Variants in PTN observed in about 807,000 individuals in gnomAD.
The protein encoded by PTN is heparin affin regulatory protein.
Under a neutral mutation model 24.1 loss-of-function variants are expected in PTN, and 18 were observed. The observed-to-expected ratio is 0.75, with a 90% CI of 0.52 to 1.11. PTN has a LOEUF of 1.11. Ranked by LOEUF, PTN falls within the 50% of genes least tolerant of loss-of-function variation. The probability of loss-of-function intolerance (pLI) is 0.00; values close to 1 mark genes in which losing one functional copy is unlikely to be tolerated. For synonymous variants in PTN, 78 were observed against 68.6 expected, an observed-to-expected ratio of 1.14 and a Z score of -0.67; for missense variants, 163 against 198.8, an observed-to-expected ratio of 0.82 and a Z score of 1.08.
chr7:137,257,192 T>C (rs528240455), intron 1 of PTN, among the ~76,000 whole-genome samples: 1 of 152,360 alleles, frequency 6.6e-6, no homozygotes, highest in East Asian at 1.9e-4. Context: ...AAGCCTAGAT[T>C]AGCTACTCAC....
At chr7:137,261,863 T>C (rs1221923656) in intron 1 of PTN, among the ~76,000 whole-genome samples, 1 of 152,204 alleles carries the variant, frequency 6.6e-6, no homozygotes, top group Admixed American at 6.5e-5. Flanking sequence ...TTGCTTTCTC[T>C]GCATGTGGGG....
At chr7:137,303,390 T>C (rs1297501650) in intron 1 of PTN, among the ~76,000 whole-genome samples, 2 of 151,970 alleles carry the variant, frequency 1.3e-5, no homozygotes, top group African/African-American at 4.8e-5. Flanking sequence ...ATGGAGTCCT[T>C]TCCCACAGAC....
intron 1 of PTN, among the ~76,000 whole-genome samples, chr7:137,269,638 T>G (rs2128874185): frequency 7.1e-6 from 1 of 140,498 alleles, no homozygotes; most frequent in African/African-American, 2.7e-5. Context: ...TTTTTTTTTT[T>G]TTTTTTTTTT....
chr7:137,270,734 T>C (rs567915225), intron 1 of PTN, among the ~76,000 whole-genome samples: 1 of 152,120 alleles, frequency 6.6e-6, no homozygotes, highest in East Asian at 1.9e-4. Flanking sequence ...GAAAATAACA[T>C]GGAAAAAAAT....
intron 1 of PTN, among the ~76,000 whole-genome samples, chr7:137,316,418 CAAGA>C (rs1365232826): frequency 1.3e-5 from 2 of 152,092 alleles, no homozygotes; most frequent in East Asian, 3.9e-4. Context: ...ATAAGTCTTA[CAAGA>C]AAGTCTCTTT....
intron 1 of PTN, among the ~76,000 whole-genome samples, chr7:137,306,687 G>A (rs552812305): frequency 2.6e-5 from 4 of 152,186 alleles, no homozygotes; most frequent in African/African-American, 4.8e-5. Context: ...ATTTGGAAAT[G>A]TATTCACAAT....
At chr7:137,336,446 TG>T (rs775830373) in intron 1 of PTN, among the ~76,000 whole-genome samples, 3 of 152,092 alleles carry the variant, frequency 2.0e-5, no homozygotes, top group Non-Finnish European at 4.4e-5. Context: ...TCTCTTGGAT[TG>T]GGAGTCTTCT....
chr7:137,252,877 T>A (rs941553517), intron 3 of PTN, among the ~76,000 whole-genome samples: 2 of 152,214 alleles, frequency 1.3e-5, no homozygotes, highest in African/African-American at 4.8e-5. Flanking sequence ...GAAAGATTTA[T>A]GAAACGTGGC....
At chr7:137,256,768 T>C (rs1585015550) in intron 1 of PTN, among the ~76,000 whole-genome samples, 4 of 152,152 alleles carry the variant, frequency 2.6e-5, no homozygotes, top group African/African-American at 9.6e-5. Flanking sequence ...TGAACTAATT[T>C]CCAGAATTTA....
intron 1 of PTN, among the ~76,000 whole-genome samples, chr7:137,257,256 G>T (rs1808944857): frequency 6.6e-6 from 1 of 152,154 alleles, no homozygotes; most frequent in Non-Finnish European, 1.5e-5. Context: ...TTCCTCCTGA[G>T]GCTAAATTCT....
In PTN at chr7:137,280,699, CAAAAAA is replaced by C. The variant is rs58738876; in HGVS notation, c.-1-25731_-1-25726del. Among the ~76,000 whole-genome samples the C allele has an allele frequency of 1.1e-3, 47 of 44,352 alleles. 1 individual carries two copies. Among genetic ancestry groups the C allele is most frequent in the Non-Finnish European group, 1.5e-3 (36 of 24,736 alleles). The allele number at this position is 44,352 out of a possible 152,430, so 29.1% of individuals were successfully genotyped here. A position where few individuals can be genotyped will look rare whatever the true frequency, so the allele number is the denominator to read the frequency against. On this transcript the variant is annotated intron_variant, in intron 1 of 4. Transcript: ENST00000348225. Reference sequence around the variant, plus strand: ...CAAAACCCCGTCTCTACTAAAAATACAAAAAAAAAAAAAAAAAAAAAAAAAAGCTGA... The same window carrying C: ...CAAAACCCCGTCTCTACTAAAAATACAAAAAAAAAAAAAAAAAAAAGCTGA...
In PTN at chr7:137,327,157, G is replaced by A. The variant is rs368899700; in HGVS notation, c.-2+16282C>T. Among the ~76,000 whole-genome samples the A allele has an allele frequency of 1.8e-4, 27 of 152,218 alleles. No individual in the cohort carries two copies. In the East Asian group the frequency reaches 4.4e-3, roughly 25 times the overall value. On this transcript the variant is annotated intron_variant, in intron 1 of 4. Transcript: ENST00000348225. ...TAAGGGTTGGTACACAAAGCATTAC[G>A]TTTTCAAACCTAACTGATTCTCTCC...
chr7:137,324,349 T>C (rs1810215754), intron 1 of PTN, among the ~76,000 whole-genome samples: 1 of 146,428 alleles, frequency 6.8e-6, no homozygotes, highest in Admixed American at 7.0e-5. Context: ...CAAGCTGTAG[T>C]GTGCAATGAT....
At chr7:137,278,975 TA>T in intron 1 of PTN, among the ~76,000 whole-genome samples, 1 of 145,898 alleles carries the variant, frequency 6.9e-6, no homozygotes, top group Non-Finnish European at 1.5e-5. Context: ...ATAATAATAA[TA>T]ATAATAAAAT....
chr7:137,275,934 T>C (rs1002002400), intron 1 of PTN, among the ~76,000 whole-genome samples: 6 of 152,214 alleles, frequency 3.9e-5, no homozygotes, highest in African/African-American at 1.2e-4. Context: ...GTGGCTTTAT[T>C]TGTTCAGATG....
intron 1 of PTN, among the ~76,000 whole-genome samples, chr7:137,307,368 C>T (rs1043613665): frequency 6.6e-6 from 1 of 151,968 alleles, no homozygotes; most frequent in African/African-American, 2.4e-5. Context: ...ATCCTGGTAC[C>T]TGGGAATAAT....
chr7:137,308,592 T>C (rs1001975054), intron 1 of PTN, among the ~76,000 whole-genome samples: 1 of 152,084 alleles, frequency 6.6e-6, no homozygotes, highest in Non-Finnish European at 1.5e-5. Flanking sequence ...GTGACAGATA[T>C]TAATATCAGG....
At chr7:137,261,575 G>A (rs887770284) in intron 1 of PTN, among the ~76,000 whole-genome samples, 1 of 152,066 alleles carries the variant, frequency 6.6e-6, no homozygotes, top group Non-Finnish European at 1.5e-5. Context: ...CCCTGTGAAG[G>A]TTACCTAAAA....
intron 1 of PTN, among the ~76,000 whole-genome samples, chr7:137,339,185 T>A (rs553816592): frequency 6.6e-6 from 1 of 151,872 alleles, no homozygotes; most frequent in Admixed American, 6.6e-5. Flanking sequence ...CAGAGATGGG[T>A]GAGGGTATAA....
Sources: allele counts gnomAD v4.1 joint callset (sites outside exome capture counted in the v4.1 genomes callset), GRCh38; gene constraint gnomAD v4.1.1; transcripts MANE v1.5; gene names NCBI Gene and HGNC (gene_info 2026-07-23, HGNC 2026-07-21).